The following SPNS2 variants were observed in gnomAD, a reference collection of about 807,000 sequenced individuals.
SPNS2 encodes the protein SPNS lysolipid transporter 2, sphingosine-1-phosphate, also known as sphingosine-1-phosphate transporter SPNS2.
Under a neutral mutation model 57.6 loss-of-function variants are expected in SPNS2, and 37 were observed. The ratio of observed to expected loss-of-function variants is 0.64; its 90% CI spans 0.49 to 0.85. The LOEUF (loss-of-function observed/expected upper bound fraction) is 0.85, where lower values mean the gene tolerates loss of function less well. SPNS2 is among the 40% of genes least tolerant of loss of function. SPNS2 has a pLI of 0.00. For synonymous variants in SPNS2, 440 were observed against 346.9 expected, an observed-to-expected ratio of 1.27 and a Z score of -2.98; for missense variants, 831 against 779.1, an observed-to-expected ratio of 1.07 and a Z score of -0.79.
intron 1 of SPNS2, among the ~76,000 whole-genome samples, chr17:4,506,463 G>T (rs1376773707): frequency 2.0e-5 from 3 of 152,196 alleles, no homozygotes; most frequent in Admixed American, 6.5e-5. Context: ...CCAGGACAGG[G>T]CTGGGGAGGC....
At chr17:4,532,797 G>C in intron 6 of SPNS2, 113 bp downstream of exon 6, 1 of 1,461,260 alleles carries the variant, frequency 6.8e-7, no homozygotes, top group Non-Finnish European at 9.3e-7. Context: ...CACCTCTGCT[G>C]TCTCAGTGCT....
rs1904422948 is a variant in SPNS2 at position 4,499,939 on chromosome 17, C to A, written c.370+522C>A. Among the ~76,000 whole-genome samples, 1 of 152,108 alleles carries A rather than the reference C, an allele frequency of 6.6e-6. No individual in the cohort carries two copies. Among genetic ancestry groups the A allele is most frequent in the African/African-American group, 2.4e-5 (1 of 41,522 alleles). ...GCGCTAGGGAGACCGGGTGTGTGTG[C>A]GCGTGGCGGCGCGGTTGTGTGTGAG... On this transcript the variant is annotated intron_variant, in intron 1 of 12. Coordinates refer to ENST00000329078, the MANE Select transcript of SPNS2 (RefSeq NM_001124758.3). This position sits in a 1 kb window ranked among gnomAD's most constrained non-coding sequence, Gnocchi z 5.2.
Position 4,504,416 on chromosome 17 carries a change from C to G in SPNS2, c.370+4999C>G, listed in dbSNP as rs77227303. On this transcript the variant is annotated intron_variant, in intron 1 of 12. Transcript: ENST00000329078. The stretch of plus-strand genomic sequence containing the variant: ...GCCCCTCCGCTGTGCTGTCATCCAT[C>G]AGAGGAAGTGCTTTGAAACATAGTA... 2.7e-3 allele frequency among the ~76,000 whole-genome samples: 407 copies of G among 152,108 alleles called. 1 individual carries two copies. Among genetic ancestry groups the G allele is most frequent in the Non-Finnish European group, 4.5e-3 (306 of 67,982 alleles).
chr17:4,537,980 C>G lies in SPNS2; in HGVS notation c.*532C>G, dbSNP rs1000795169. 2.5e-5 allele frequency: 9 copies of G among 357,838 alleles called. No homozygotes were observed. Among genetic ancestry groups the G allele is most frequent in the African/African-American group, 1.9e-4 (9 of 46,842 alleles). 22.2% of individuals were successfully genotyped at this position (357,838 alleles called of 1,614,324 possible). On this transcript the variant is annotated 3_prime_UTR_variant, in exon 13 of 13. Coordinates refer to ENST00000329078, the MANE Select transcript of SPNS2 (RefSeq NM_001124758.3). ...CTGGTATGCAGGGACCACTGCTCAG[C>G]TGGGCCTCGGACCTTGGGGATATTG...
chr17:4,536,975 G>A (rs768041869), intron 12 of SPNS2, 29 bp downstream of exon 12: 1 of 1,609,770 alleles, frequency 6.2e-7, no homozygotes, highest in African/African-American at 1.3e-5. Flanking sequence ...GCACGTGGGG[G>A]CTCCCTAAGG....
In SPNS2 at chr17:4,510,817, T is replaced by G. The variant is rs915976884; in HGVS notation, c.371-2430T>G. Among the ~76,000 whole-genome samples the G allele has an allele frequency of 6.6e-6, 1 of 152,200 alleles. No homozygotes were observed. Among genetic ancestry groups the G allele is most frequent in the Non-Finnish European group, 1.5e-5 (1 of 68,034 alleles). On this transcript the variant is annotated intron_variant, in intron 1 of 12. Transcript: ENST00000329078. This position sits in a 1 kb window ranked among gnomAD's most constrained non-coding sequence, Gnocchi z 4.4. Reference sequence around the variant, plus strand: ...AACATTCACCCACGTGTAAAGTCCCTGTGGGTTATGTGTGTGCTGGGCCCT... The same window carrying G: ...AACATTCACCCACGTGTAAAGTCCCGGTGGGTTATGTGTGTGCTGGGCCCT...
At chr17:4,514,283 C>A (rs376023582) in intron 2 of SPNS2, among the ~76,000 whole-genome samples, 1 of 152,232 alleles carries the variant, frequency 6.6e-6, no homozygotes, top group Admixed American at 6.5e-5. Flanking sequence ...TGGCTGTGAG[C>A]CCCCGTCAGA....
At position 4,534,771 on chromosome 17, in the gene SPNS2, G is replaced by A. The variant is rs79695397; in HGVS notation, c.1344+918G>A. On this transcript the variant is annotated intron_variant, in intron 9 of 12. Coordinates refer to ENST00000329078, the MANE Select transcript of SPNS2 (RefSeq NM_001124758.3). ...TCAGAGCCTCAGCACGGAGCCAGGC[G>A]GTGGCAGGGGTGCGCCAGGGTCACT... 5.0e-3 allele frequency among the ~76,000 whole-genome samples: 759 copies of A among 151,746 alleles called. 11 individuals carry two copies. The highest frequency in any genetic ancestry group is 0.012 in the East Asian group (63 of 5,118).
chr17:4,538,180 C>T lies in SPNS2; in HGVS notation c.*732C>T. ...CTGCAGCTGTACACCACCTGTGCCC[C>T]CAGGCTCAAGGTCTCTGGCAGGTGC... On this transcript the variant is annotated 3_prime_UTR_variant, in exon 13 of 13. Coordinates refer to ENST00000329078, the MANE Select transcript of SPNS2 (RefSeq NM_001124758.3). The T allele has an allele frequency of 4.0e-6, 1 of 248,014 alleles. No homozygotes were observed. The highest frequency in any genetic ancestry group is 8.0e-6 in the Non-Finnish European group (1 of 124,314). The allele number at this position is 248,014 out of a possible 1,614,324, so 15.4% of individuals were successfully genotyped here.
intron 9 of SPNS2, among the ~76,000 whole-genome samples, 168 bp downstream of exon 9, chr17:4,534,021 C>A (rs1597370423): frequency 1.3e-5 from 2 of 152,272 alleles, no homozygotes; most frequent in African/African-American, 4.8e-5. Context: ...TGGGGTCTGC[C>A]TCTGGCCAGG....
intron 1 of SPNS2, among the ~76,000 whole-genome samples, chr17:4,502,399 TAC>T (rs1222816028): frequency 6.6e-6 from 1 of 150,832 alleles, no homozygotes; most frequent in Non-Finnish European, 1.5e-5. Context: ...AAAAAAATTA[TAC>T]ACACACACAC....
intron 1 of SPNS2, among the ~76,000 whole-genome samples, chr17:4,507,985 C>T (rs1030312857): frequency 3.9e-5 from 6 of 152,114 alleles, no homozygotes; most frequent in Admixed American, 3.9e-4. Flanking sequence ...GTCCTGGAAT[C>T]GGGGCTTGAC....
intron 2 of SPNS2, among the ~76,000 whole-genome samples, chr17:4,523,578 G>A (rs11652337): frequency 2.0e-4 from 30 of 152,272 alleles, no homozygotes; most frequent in East Asian, 1.4e-3. Context: ...GACCAGCCTA[G>A]CCAACACGGT....
chr17:4,527,058 C>T (rs368645880), intron 3 of SPNS2, among the ~76,000 whole-genome samples: 55 of 152,300 alleles, frequency 3.6e-4, no homozygotes, highest in African/African-American at 8.9e-4. Context: ...ATGCCAGGTC[C>T]GGGTCCATCT....
chr17:4,499,953 G>T lies in SPNS2; in HGVS notation c.370+536G>T, dbSNP rs898490740. ...GGGTGTGTGTGCGCGTGGCGGCGCG[G>T]TTGTGTGTGAGCGCGTGGCTGACAA... On this transcript the variant is annotated intron_variant, in intron 1 of 12. Coordinates refer to ENST00000329078, the MANE Select transcript of SPNS2 (RefSeq NM_001124758.3). This position sits in a 1 kb window ranked among gnomAD's most constrained non-coding sequence, Gnocchi z 5.2. 2.6e-5 allele frequency among the ~76,000 whole-genome samples: 4 copies of T among 152,246 alleles called. No homozygotes were observed. Among genetic ancestry groups the T allele is most frequent in the African/African-American group, 9.6e-5 (4 of 41,550 alleles).
rs1209944053 is a variant in SPNS2, at chr17:4,499,900, C to T, written c.370+483C>T. On this transcript the variant is annotated intron_variant, in intron 1 of 12. Transcript: ENST00000329078. The surrounding 1 kb of genome is among the most constrained non-coding windows in gnomAD (Gnocchi z 5.2). Reference sequence around the variant, plus strand: ...TGCGTGCGTGCGGCGAGTGCGCGCGCCCCTTGCGGGTGTGCGCTAGGGAGA... The same window carrying T: ...TGCGTGCGTGCGGCGAGTGCGCGCGTCCCTTGCGGGTGTGCGCTAGGGAGA... Among the ~76,000 whole-genome samples, 2 of 152,196 alleles carry T rather than the reference C, an allele frequency of 1.3e-5. No individual in the cohort carries two copies. The highest frequency in any genetic ancestry group is 2.1e-4 in the South Asian group (1 of 4,834).
Position 4,537,557 on chromosome 17 carries a change from G to T in SPNS2, c.*109G>T. The T allele has an allele frequency of 2.2e-6, 1 of 456,776 alleles. No homozygotes were observed. The highest frequency in any genetic ancestry group is 1.5e-5 in the South Asian group (1 of 64,572). The allele number at this position is 456,776 out of a possible 1,614,324, so 28.3% of individuals were successfully genotyped here. ...CCCCAAAGCTTTCTGTGTGATCCAC[G>T]GCTAGGCACCCACCCTCTCTGGCCC... On this transcript the variant is annotated 3_prime_UTR_variant, in exon 13 of 13. Coordinates refer to ENST00000329078, the MANE Select transcript of SPNS2 (RefSeq NM_001124758.3).
Position 4,538,726 on chromosome 17 carries a change from G to C in SPNS2, c.*1278G>C. The stretch of plus-strand genomic sequence containing the variant: ...TGCCCCTTAGTTACTGGCTGGCTGT[G>C]GCTTCAGTGGTGTGTAAGCAGGTGG... On this transcript the variant is annotated 3_prime_UTR_variant, in exon 13 of 13. Transcript: ENST00000329078. 1.5e-6 allele frequency: 1 copy of C among 658,206 alleles called. No homozygotes were observed. Among genetic ancestry groups the C allele is most frequent in the Non-Finnish European group, 2.7e-6 (1 of 369,688 alleles). 40.8% of individuals were successfully genotyped at this position (658,206 alleles called of 1,614,324 possible). A position where few individuals can be genotyped will look rare whatever the true frequency, so the allele number is the denominator to read the frequency against.
At chr17:4,532,442 C>G in intron 5 of SPNS2, 100 bp from the exon 6 acceptor site, 1 of 1,552,364 alleles carries the variant, frequency 6.4e-7, no homozygotes, top group Non-Finnish European at 8.8e-7. Flanking sequence ...GAGGAGAAGC[C>G]TATGGCCCAG....
Sources: gnomAD v4.1 joint callset for allele counts (sites outside exome capture counted in the v4.1 genomes callset) on GRCh38, gnomAD v4.1.1 for gene constraint, Gnocchi (gnomAD v3.1) non-coding constraint, MANE v1.5 for transcripts, NCBI Gene and HGNC (gene_info 2026-07-23, HGNC 2026-07-21) for gene names.